The following ESR1 variants were observed in gnomAD, a reference collection of about 807,000 sequenced individuals.
ESR1 encodes the protein estrogen receptor 1.
Under a neutral mutation model 52.7 loss-of-function variants are expected in ESR1, and 12 were observed. That is an observed-to-expected ratio of 0.23 (90% confidence interval 0.15 to 0.37). The LOEUF is 0.37. Ranked by LOEUF, ESR1 falls within the 10% of genes least tolerant of loss-of-function variation. The pLI, the probability that ESR1 is intolerant of heterozygous loss-of-function variation, is 1.00. For missense variants in ESR1, 584 were observed against 779.7 expected (o/e 0.75, Z 2.99); for synonymous variants, 305 against 316.8 (o/e 0.96, Z 0.39).
intron 2 of ESR1, among the ~76,000 whole-genome samples, chr6:151,728,230 A>T (rs1781988188): frequency 6.6e-6 from 1 of 152,182 alleles, no homozygotes; most frequent in Non-Finnish European, 1.5e-5. Context: ...ACCCAATAAG[A>T]TTCTAAGGAT....
intron 3 of ESR1, among the ~76,000 whole-genome samples, chr6:151,913,645 G>T (rs768768218): frequency 6.6e-5 from 10 of 152,128 alleles, no homozygotes; most frequent in Admixed American, 1.3e-4. Flanking sequence ...TTATCAAAAT[G>T]ATCTTTTTTC....
intron 3 of ESR1, among the ~76,000 whole-genome samples, chr6:151,881,473 A>T (rs1792901126): frequency 8.8e-6 from 1 of 113,818 alleles, no homozygotes; most frequent in Non-Finnish European, 2.3e-5. Flanking sequence ...AGGAATCTGG[A>T]AACTGAATCC....
chr6:151,711,000 G>C (rs1334960439), intron 2 of ESR1, among the ~76,000 whole-genome samples: 1 of 152,146 alleles, frequency 6.6e-6, no homozygotes, highest in Non-Finnish European at 1.5e-5. Context: ...GAATAATGCT[G>C]CAATAAACAT....
At chr6:151,898,978 G>T (rs1241161795) in intron 3 of ESR1, among the ~76,000 whole-genome samples, 2 of 151,734 alleles carry the variant, frequency 1.3e-5, no homozygotes, top group African/African-American at 4.8e-5. Flanking sequence ...AGGGGCGGCC[G>T]GGCAGAGGCG....
At chr6:151,816,300 A>G (rs73780869) in intron 1 of ESR1, among the ~76,000 whole-genome samples, 1,877 of 152,320 alleles carry the variant, frequency 0.012, 36 homozygotes, top group African/African-American at 0.041. Context: ...TAATAGAGTG[A>G]TGAAAGCACA....
chr6:152,127,239 T>A (rs906974131), exon 7 of ESR1: 11 of 152,102 alleles, frequency 7.2e-5, no homozygotes, highest in African/African-American at 2.7e-4. Flanking sequence ...CGGGGTAGGG[T>A]CTGGAGTCAG....
rs556968008 is a variant in ESR1, at chr6:151,840,892, C to T, written c.453-1705C>T. Among the ~76,000 whole-genome samples the T allele has an allele frequency of 3.3e-5, 5 of 152,240 alleles. No individual in the cohort carries two copies. In the South Asian group the frequency reaches 8.3e-4, roughly 25 times the overall value. On this transcript the variant is annotated intron_variant, in intron 1 of 7. Coordinates refer to ENST00000206249, the MANE Select transcript of ESR1 (RefSeq NM_000125.4). The stretch of plus-strand genomic sequence containing the variant: ...ATTCATTTAAATATATTATGGAGTG[C>T]CAACTACATGCCAGGTACTGTGCTG...
At position 152,096,698 on chromosome 6, in the gene ESR1, G is replaced by A. The variant is rs78236382; in HGVS notation, c.1554-2034G>A. The A allele has an allele frequency of 1.2e-3, 563 of 455,974 alleles. 2 individuals are homozygous for A. Among genetic ancestry groups the A allele is most frequent in the African/African-American group, 9.7e-3 (486 of 50,148 alleles). 28.2% of individuals were successfully genotyped at this position (455,974 alleles called of 1,614,324 possible). A position where few individuals can be genotyped will look rare whatever the true frequency, so the allele number is the denominator to read the frequency against. On this transcript the variant is annotated intron_variant, in intron 7 of 7. Transcript: ENST00000206249. ...CCTGTGTAACAGATGAAGGAATCAC[G>A]TCTGTCAGGTAGAGTAGGTGACTGC... is the stretch of plus-strand genomic sequence containing the variant.
intron 5 of ESR1, among the ~76,000 whole-genome samples, chr6:152,038,397 C>A (rs2045499024): frequency 6.6e-6 from 1 of 152,152 alleles, no homozygotes; most frequent in Non-Finnish European, 1.5e-5. Flanking sequence ...CACTTTGCAT[C>A]CTTCAATACA....
chr6:151,701,550 A>AAAG (rs934367084), intron 1 of ESR1, among the ~76,000 whole-genome samples: 1 of 148,702 alleles, frequency 6.7e-6, no homozygotes, highest in Admixed American at 6.7e-5. Flanking sequence ...AAAAAAAAAA[A>AAAG]AAGAAGAAGA....
intron 4 of ESR1, among the ~76,000 whole-genome samples, chr6:151,992,381 A>G (rs1056404499): frequency 2.0e-5 from 3 of 151,836 alleles, no homozygotes; most frequent in South Asian, 2.1e-4. Context: ...GCGTTTAACT[A>G]CTCATATAGA....
chr6:151,900,165 A>T (rs560468836), intron 3 of ESR1, among the ~76,000 whole-genome samples: 1 of 152,254 alleles, frequency 6.6e-6, no homozygotes, highest in Admixed American at 6.5e-5. Flanking sequence ...TCTTTGTTGG[A>T]TTGAGTTAAT....
chr6:151,723,518 A>C (rs1781608753), intron 2 of ESR1, among the ~76,000 whole-genome samples: 1 of 152,154 alleles, frequency 6.6e-6, no homozygotes, highest in African/African-American at 2.4e-5. Context: ...GTAAACTAGG[A>C]GGGTATCTAT....
At chr6:151,905,968 G>A (rs897600581) in intron 3 of ESR1, among the ~76,000 whole-genome samples, 1 of 152,168 alleles carries the variant, frequency 6.6e-6, no homozygotes, top group Non-Finnish European at 1.5e-5. Context: ...GGAACGCTAA[G>A]CATGTGGGAG....
intron 2 of ESR1, among the ~76,000 whole-genome samples, chr6:151,856,234 G>A (rs1471404293): frequency 1.3e-5 from 2 of 152,156 alleles, no homozygotes; most frequent in Non-Finnish European, 1.5e-5. Flanking sequence ...TATAGATAAT[G>A]TAGCTATTAT....
intron 2 of ESR1, among the ~76,000 whole-genome samples, chr6:151,782,330 C>A (rs757109074): frequency 1.3e-5 from 2 of 152,118 alleles, no homozygotes; most frequent in Non-Finnish European, 2.9e-5. Context: ...TTTATAATCT[C>A]ATTTTCTTAC....
Position 151,694,605 on chromosome 6 carries a change from C to T in ESR1, c.-202+3941C>T, listed in dbSNP as rs773371596. Among the ~76,000 whole-genome samples the T allele has an allele frequency of 1.8e-4, 27 of 151,968 alleles. 1 individual carries two copies. Among genetic ancestry groups the T allele is most frequent in the Admixed American group, 1.2e-3 (19 of 15,246 alleles). On this transcript the variant is annotated intron_variant, in intron 1 of 2. Coordinates refer to the ESR1 transcript ENST00000404742. The stretch of plus-strand genomic sequence containing the variant: ...GAGTTCGTGACCAGCCTGGCCAACA[C>T]GGTGAAACCCGTCTCCACTAAAAAT...
At chr6:151,722,363 G>A (rs1244093578) in intron 2 of ESR1, among the ~76,000 whole-genome samples, 2 of 152,314 alleles carry the variant, frequency 1.3e-5, no homozygotes, top group Non-Finnish European at 2.9e-5. Context: ...TCATTGAGAA[G>A]TCCCTCATGG....
At chr6:151,719,261 G>A (rs541027048) in intron 2 of ESR1, among the ~76,000 whole-genome samples, 7 of 152,244 alleles carry the variant, frequency 4.6e-5, no homozygotes, top group African/African-American at 1.7e-4. Context: ...ATAAACTTAA[G>A]TAGGTCTAGA....
Sources: gnomAD v4.1 joint callset for allele counts (sites outside exome capture counted in the v4.1 genomes callset) on GRCh38, gnomAD v4.1.1 for gene constraint, MANE v1.5 for transcripts, NCBI Gene and HGNC (gene_info 2026-07-23, HGNC 2026-07-21) for gene names.